NIPBL: variants seen among roughly 807,000 people sequenced by gnomAD.
NIPBL encodes NIPBL cohesin loading factor.
A neutral mutation model predicts 321.8 loss-of-function variants in NIPBL; 19 were observed. The ratio of observed to expected loss-of-function variants is 0.06; its 90% CI spans 0.04 to 0.09. The LOEUF (loss-of-function observed/expected upper bound fraction) is 0.09. Ranked by LOEUF, NIPBL falls within the 10% of genes least tolerant of loss-of-function variation. The pLI is 1.00. For missense variants in NIPBL, 2,210 were observed against 3,327.0 expected (o/e 0.66, Z 8.26); for synonymous variants, 1,106 against 1,114.1 (o/e 0.99, Z 0.14).
At chr5:36,952,955 A>T (rs1740564620) in intron 1 of NIPBL, among the ~76,000 whole-genome samples, 1 of 152,192 alleles carries the variant, frequency 6.6e-6, no homozygotes, top group African/African-American at 2.4e-5. Context: ...ACTCATTTGG[A>T]TGAATTTGAG....
intron 10 of NIPBL, among the ~76,000 whole-genome samples, chr5:36,989,661 A>G (rs1236662181): frequency 6.6e-6 from 1 of 151,928 alleles, no homozygotes; most frequent in Non-Finnish European, 1.5e-5. Context: ...AACATGGTGA[A>G]ACCCCACCTC....
intron 29 of NIPBL, among the ~76,000 whole-genome samples, chr5:37,023,775 T>TTA (rs1554026119): frequency 2.1e-4 from 29 of 138,926 alleles, no homozygotes; most frequent in East Asian, 1.0e-3. Flanking sequence ...TTTTTTTTTT[T>TTA]ACATCCCATA....
At chr5:36,936,948 A>G (rs1015352655) in intron 1 of NIPBL, among the ~76,000 whole-genome samples, 5 of 151,978 alleles carry the variant, frequency 3.3e-5, no homozygotes, top group Admixed American at 6.6e-5. Flanking sequence ...TATTGCCTAC[A>G]ATTAGGGAGG....
chr5:37,055,330 G>A (rs957838705), intron 42 of NIPBL, among the ~76,000 whole-genome samples: 2 of 139,038 alleles, frequency 1.4e-5, no homozygotes, highest in African/African-American at 2.9e-5. Context: ...CCAGCTGAGC[G>A]ACAGAGCGAG....
At chr5:37,014,480 C>CT (rs1302861468) in intron 21 of NIPBL, among the ~76,000 whole-genome samples, 2 of 151,998 alleles carry the variant, frequency 1.3e-5, no homozygotes, top group East Asian at 1.9e-4. Flanking sequence ...TAATAACACT[C>CT]TATCTGTATT....
chr5:36,894,002 C>G lies in NIPBL; in HGVS notation c.-80+16824C>G, dbSNP rs976834656. On this transcript the variant is annotated intron_variant, in intron 1 of 46. Transcript: ENST00000282516. ...GTGTCTTATATTTTAAAAGTTTGCTCAAAAGTCAAATTGAATCTTGTTAGA... is the reference window on the plus strand; with the variant it reads ...GTGTCTTATATTTTAAAAGTTTGCTGAAAAGTCAAATTGAATCTTGTTAGA... 2.0e-5 allele frequency among the ~76,000 whole-genome samples: 3 copies of G among 152,024 alleles called. No individual in the cohort carries two copies. In the East Asian group the frequency reaches 5.8e-4, roughly 29 times the overall value.
intron 1 of NIPBL, among the ~76,000 whole-genome samples, chr5:36,890,564 T>C (rs1746245391): frequency 6.6e-6 from 1 of 152,334 alleles, no homozygotes; most frequent in East Asian, 1.9e-4. Context: ...TAAACAGTTG[T>C]GGCTTTTCAA....
chr5:37,042,893 A>ACG (rs71604851), intron 34 of NIPBL, among the ~76,000 whole-genome samples: 17,607 of 147,686 alleles, frequency 0.12, 1,186 homozygotes, highest in Admixed American at 0.19. Context: ...TACTACACAC[A>ACG]CGCGCGCACA....
At chr5:36,933,061 C>G (rs946920171) in intron 1 of NIPBL, among the ~76,000 whole-genome samples, 4 of 151,928 alleles carry the variant, frequency 2.6e-5, no homozygotes, top group African/African-American at 9.7e-5. Context: ...CAATATGCTT[C>G]TTAATTTATC....
At chr5:36,932,387 T>C (rs1412044833) in intron 1 of NIPBL, among the ~76,000 whole-genome samples, 1 of 152,222 alleles carries the variant, frequency 6.6e-6, no homozygotes, top group African/African-American at 2.4e-5. Flanking sequence ...TATGAATACA[T>C]GTATAAACGT....
At chr5:36,995,551 C>T in intron 10 of NIPBL, 71 bp from the exon 11 acceptor site, 3 of 994,112 alleles carry the variant, frequency 3.0e-6, no homozygotes, top group Non-Finnish European at 4.7e-6. Flanking sequence ...TTTTATTATG[C>T]TAACTTAGTT....
At chr5:37,057,461 T>C in intron 43 of NIPBL, 129 bp downstream of exon 43, 1 of 934,548 alleles carries the variant, frequency 1.1e-6, no homozygotes, top group Non-Finnish European at 1.6e-6. Context: ...GTGAACTTAA[T>C]GAAATCTGGG....
chr5:36,964,448 C>G (rs1561086373), intron 6 of NIPBL, among the ~76,000 whole-genome samples: 1 of 152,036 alleles, frequency 6.6e-6, no homozygotes, highest in Non-Finnish European at 1.5e-5. Flanking sequence ...CAGATATTTA[C>G]AGGCAACTTA....
At chr5:37,009,593 T>C (rs1190853470) in intron 20 of NIPBL, among the ~76,000 whole-genome samples, 1 of 152,216 alleles carries the variant, frequency 6.6e-6, no homozygotes, top group Non-Finnish European at 1.5e-5. Flanking sequence ...CATAAAAGAA[T>C]CCTTAGATTT....
At chr5:37,041,439 A>T (rs2149725439) in intron 34 of NIPBL, among the ~76,000 whole-genome samples, 1 of 149,168 alleles carries the variant, frequency 6.7e-6, no homozygotes, top group Admixed American at 6.7e-5. Flanking sequence ...AATTTTTTGT[A>T]TTTTTAGTAG....
At chr5:36,971,586 T>A (rs1742860338) in intron 7 of NIPBL, among the ~76,000 whole-genome samples, 1 of 152,146 alleles carries the variant, frequency 6.6e-6, no homozygotes, top group South Asian at 2.1e-4. Context: ...TGATTGTAAT[T>A]TATGTAAGCT....
At chr5:36,954,200 T>A (rs917058113) in intron 2 of NIPBL, among the ~76,000 whole-genome samples, 1 of 152,148 alleles carries the variant, frequency 6.6e-6, no homozygotes, top group Non-Finnish European at 1.5e-5. Flanking sequence ...GAAAAAGATA[T>A]GAGAGGGAAG....
In NIPBL at chr5:37,037,947, A is replaced by G. The variant is rs147197160; in HGVS notation, c.5972-655A>G. Reference sequence around the variant, plus strand: ...TACCAGTACCCTTAAACACAGTTTCACCTCAGCTAAATTGCTTTTTTTCCC... The same window carrying G: ...TACCAGTACCCTTAAACACAGTTTCGCCTCAGCTAAATTGCTTTTTTTCCC... On this transcript the variant is annotated intron_variant, in intron 33 of 46. Coordinates refer to ENST00000282516, the MANE Select transcript of NIPBL (RefSeq NM_133433.4). 2.2e-3 allele frequency among the ~76,000 whole-genome samples: 316 copies of G among 144,062 alleles called. 1 individual carries two copies. The highest frequency in any genetic ancestry group is 0.019 in the Middle Eastern group (5 of 260). 94.5% of individuals were successfully genotyped at this position (144,062 alleles called of 152,430 possible). A position where few individuals can be genotyped will look rare whatever the true frequency, so the allele number is the denominator to read the frequency against.
rs953075731 is a variant in NIPBL at position 37,044,638 on chromosome 5, A to G, written c.6252A>G (p.Val2084=). ...MKLIIKYGMT[V]VQHCVSCLGA... ...TAAACATTTTCTATATCTTTTAGGT[A>G]GTGCAACATTGTGTGAGCTGTCTTG... Residue 2084 remains valine (V), a splice_region_variant and synonymous_variant, in exon 36 of 47, where the codon GTA becomes GTG. Transcript: ENST00000282516. 6.2e-7 allele frequency: 1 copy of G among 1,612,426 alleles called. No individual in the cohort carries two copies. Among genetic ancestry groups the G allele is most frequent in the Non-Finnish European group, 8.5e-7 (1 of 1,178,686 alleles).
Sources: allele counts gnomAD v4.1 joint callset (sites outside exome capture counted in the v4.1 genomes callset), GRCh38; gene constraint gnomAD v4.1.1; transcripts MANE v1.5; gene names NCBI Gene and HGNC (gene_info 2026-07-23, HGNC 2026-07-21).